Variants in ELAPOR2 observed in about 807,000 individuals in gnomAD.
ELAPOR2 encodes the protein endosome-lysosome associated apoptosis and autophagy regulator family member 2.
In ELAPOR2, 89 loss-of-function variants were observed where a neutral mutation model predicts 120.7. The observed-to-expected ratio is 0.74, with a 90% confidence interval of 0.62 to 0.88. The LOEUF is 0.88. ELAPOR2 is among the 40% of genes least tolerant of loss of function. The pLI, the probability that ELAPOR2 is intolerant of heterozygous loss-of-function variation, is 0.00. For missense variants in ELAPOR2, 1,134 were observed against 1,251.6 expected (o/e 0.91, Z 1.42); for synonymous variants, 444 against 444.9 (o/e 1.00, Z 0.03).
intron 1 of ELAPOR2, among the ~76,000 whole-genome samples, chr7:86,968,260 C>T (rs888764170): frequency 6.6e-6 from 1 of 151,938 alleles, no homozygotes; most frequent in Non-Finnish European, 1.5e-5. Flanking sequence ...TAAAACTGGC[C>T]CCTTGGAAAC....
At chr7:86,908,338 TG>T in intron 17 of ELAPOR2, 108 bp downstream of exon 17, 1 of 610,968 alleles carries the variant, frequency 1.6e-6, no homozygotes, top group South Asian at 2.1e-5. Flanking sequence ...AACTCACATC[TG>T]GTATATGATT....
chr7:86,929,572 T>C (rs910270376), intron 8 of ELAPOR2, among the ~76,000 whole-genome samples: 1 of 152,010 alleles, frequency 6.6e-6, no homozygotes, highest in Non-Finnish European at 1.5e-5. Flanking sequence ...ATGCTCAACA[T>C]GTACAGTTGT....
At chr7:86,921,127 A>G (rs1789811400) in intron 10 of ELAPOR2, among the ~76,000 whole-genome samples, 1 of 151,990 alleles carries the variant, frequency 6.6e-6, no homozygotes, top group Non-Finnish European at 1.5e-5. Context: ...TTTTGGAGCA[A>G]CTCCAGCCAC....
At chr7:86,889,259 TA>T (rs1799839008) in intron 21 of ELAPOR2, among the ~76,000 whole-genome samples, 1 of 151,984 alleles carries the variant, frequency 6.6e-6, no homozygotes, top group Non-Finnish European at 1.5e-5. Context: ...GTACCTGGAT[TA>T]ATGTATCTGG....
intron 1 of ELAPOR2, among the ~76,000 whole-genome samples, chr7:87,056,174 T>C (rs1795255813): frequency 6.6e-6 from 1 of 152,222 alleles, no homozygotes; most frequent in South Asian, 2.1e-4. Flanking sequence ...AGTCTCACTG[T>C]AGACTCTTCC....
chr7:86,894,851 C>T (rs149929675), intron 19 of ELAPOR2, among the ~76,000 whole-genome samples: 60 of 152,118 alleles, frequency 3.9e-4, no homozygotes, highest in African/African-American at 1.4e-3. Context: ...ATCTTTAGTG[C>T]TGCATGACAT....
At chr7:87,029,559 A>G (rs1379876196) in intron 1 of ELAPOR2, among the ~76,000 whole-genome samples, 1 of 152,230 alleles carries the variant, frequency 6.6e-6, no homozygotes, top group Admixed American at 6.5e-5. Flanking sequence ...ATGGAAAACT[A>G]TGCAATGGAG....
intron 4 of ELAPOR2, 63 bp from the exon 5 acceptor site, chr7:86,942,167 TACCCA>T: frequency 2.1e-6 from 2 of 931,286 alleles, no homozygotes; most frequent in Non-Finnish European, 3.4e-6. Flanking sequence ...TTAAATTCTG[TACCCA>T]GCACAGACTG....
In ELAPOR2 at chr7:86,913,192, T is replaced by G. The variant is rs747450200; in HGVS notation, c.1744A>C (p.Ile582Leu). ...GAATAAATCTTCACCATGTCATTGA[T>G]GAACCGTCTATTCTAAAAAAAAGAG... ...TNQGQDNRRFINDMVKIYSIT... is the reference protein window; with the variant it reads ...TNQGQDNRRFLNDMVKIYSIT... The change falls in exon 14 of 22, where the codon ATC (isoleucine) becomes CTC (leucine). Residue 582 changes from isoleucine to leucine, a missense_variant. Ile to Leu is a conservative substitution (Grantham distance 5, BLOSUM62 2). Transcript: ENST00000450689. The G allele has an allele frequency of 1.9e-6, 3 of 1,613,716 alleles. No homozygotes were observed. The highest frequency in any genetic ancestry group is 2.5e-6 in the Non-Finnish European group (3 of 1,179,744).
Position 86,891,778 on chromosome 7 carries a change from A to C in ELAPOR2, c.2976T>G (p.Val992=). 6.2e-7 allele frequency: 1 copy of C among 1,611,876 alleles called. No homozygotes were observed. Among genetic ancestry groups the C allele is most frequent in the Non-Finnish European group, 8.5e-7 (1 of 1,178,502 alleles). The stretch of plus-strand genomic sequence containing the variant: ...GTAGTGACTGTTTATTGGAATATAC[A>C]ACTTCCTCTTCATTATCTTCTCCTT... ...IMEGEDNEEE[V]VYSNKQSLLG... is the part of the protein sequence containing the mutation. The change falls in exon 21 of 22, where the codon GTT becomes GTG. Residue 992 remains valine (V), a synonymous_variant. Coordinates refer to ENST00000450689, the MANE Select transcript of ELAPOR2 (RefSeq NM_001142749.3).
Position 86,987,262 on chromosome 7 carries a change from A to T in ELAPOR2, c.190-22238T>A, listed in dbSNP as rs151135225. ...AAAACCCTAGAAGAAAACCTAGGCA[A>T]TACCATTCAGGACATAGGCATGGGA... On this transcript the variant is annotated intron_variant, in intron 1 of 21. Coordinates refer to ENST00000450689, the MANE Select transcript of ELAPOR2 (RefSeq NM_001142749.3). 4.6e-3 allele frequency among the ~76,000 whole-genome samples: 708 copies of T among 152,334 alleles called. 5 individuals are homozygous for T. The highest frequency in any genetic ancestry group is 0.012 in the African/African-American group (518 of 41,578).
intron 21 of ELAPOR2, among the ~76,000 whole-genome samples, chr7:86,884,820 A>G (rs1346365765): frequency 6.6e-6 from 1 of 152,200 alleles, no homozygotes. Context: ...GCAATTCAGA[A>G]TGACAAGCAG....
intron 1 of ELAPOR2, among the ~76,000 whole-genome samples, chr7:86,989,229 A>C (rs1218044138): frequency 6.6e-6 from 1 of 152,230 alleles, no homozygotes; most frequent in Admixed American, 6.5e-5. Flanking sequence ...TTTTAAATTA[A>C]GCAGGCTGTA....
intron 1 of ELAPOR2, among the ~76,000 whole-genome samples, chr7:86,985,506 T>G (rs565908702): frequency 1.3e-5 from 2 of 152,194 alleles, no homozygotes; most frequent in Admixed American, 6.5e-5. Context: ...TCAAGTTGGC[T>G]TCAGCCCTGG....
chr7:86,964,745 A>T (rs573818458), intron 2 of ELAPOR2, among the ~76,000 whole-genome samples, 159 bp downstream of exon 2: 55 of 152,362 alleles, frequency 3.6e-4, no homozygotes, highest in Non-Finnish European at 5.6e-4. Flanking sequence ...ATATAAGGAC[A>T]TCTAGTGATG....
chr7:87,021,869 T>G (rs11973613), intron 1 of ELAPOR2, among the ~76,000 whole-genome samples: 2,979 of 152,290 alleles, frequency 0.02, 100 homozygotes, highest in African/African-American at 0.067. Context: ...GATTGGGGGC[T>G]ATTCTTTTAA....
chr7:86,886,548 T>G (rs1445844019), intron 21 of ELAPOR2, among the ~76,000 whole-genome samples: 1 of 152,134 alleles, frequency 6.6e-6, no homozygotes, highest in Non-Finnish European at 1.5e-5. Flanking sequence ...CTATAGCCAT[T>G]AGTTGGTCAC....
intron 1 of ELAPOR2, among the ~76,000 whole-genome samples, chr7:87,004,506 C>CTT (rs1457983936): frequency 1.3e-5 from 2 of 152,174 alleles, no homozygotes; most frequent in Non-Finnish European, 2.9e-5. Context: ...ACCACAAACT[C>CTT]TAAGTGTCTT....
intron 1 of ELAPOR2, among the ~76,000 whole-genome samples, chr7:86,971,364 C>T (rs780247578): frequency 7.2e-5 from 11 of 152,142 alleles, no homozygotes; most frequent in Non-Finnish European, 1.6e-4. Context: ...CTAAAACATA[C>T]CTACATATGA....
Sources: allele counts gnomAD v4.1 joint callset (sites outside exome capture counted in the v4.1 genomes callset), GRCh38; gene constraint gnomAD v4.1.1; transcripts MANE v1.5; gene names NCBI Gene and HGNC (gene_info 2026-07-23, HGNC 2026-07-21).